TFCP2: variants seen among roughly 807,000 people sequenced by gnomAD.
The protein encoded by TFCP2 is alpha-globin transcription factor CP2.
TFCP2 carries 33 observed loss-of-function variants against 73.4 expected under a neutral mutation model. That is an observed-to-expected ratio of 0.45 (90% CI 0.34 to 0.60). The LOEUF (loss-of-function observed/expected upper bound fraction) is 0.60, where lower values mean the gene tolerates loss of function less well. Among genes scored for constraint, TFCP2 ranks in the 20% least tolerant of loss-of-function variants. The pLI is 0.01. For missense variants in TFCP2, 352 were observed against 604.0 expected (o/e 0.58, Z 4.37); for synonymous variants, 193 against 211.6 (o/e 0.91, Z 0.76).
At chr12:51,104,713 AT>A (rs11308273) in intron 8 of TFCP2, among the ~76,000 whole-genome samples, 59,661 of 140,536 alleles carry the variant, frequency 0.42, 13,113 homozygotes, top group Non-Finnish European at 0.54. Flanking sequence ...ATAAAAAACA[AT>A]TTTTTTTTTT....
chr12:51,137,857 T>A (rs879628891), intron 1 of TFCP2, among the ~76,000 whole-genome samples: 1 of 152,206 alleles, frequency 6.6e-6, no homozygotes, highest in Non-Finnish European at 1.5e-5. Context: ...GAATCCACAC[T>A]TAGCCCTTTA....
chr12:51,124,976 G>T (rs775488358), intron 1 of TFCP2: 8 of 738,420 alleles, frequency 1.1e-5, no homozygotes, highest in Non-Finnish European at 2.0e-5. Context: ...CCTGCCTGGA[G>T]ACCAGCTCTC....
chr12:51,152,971 CCATCATTGGTGGTGATACTTTCG>C (rs1257106176), intron 1 of TFCP2, among the ~76,000 whole-genome samples: 10 of 152,226 alleles, frequency 6.6e-5, no homozygotes, highest in African/African-American at 2.4e-4. Context: ...CCCCTGGCAA[CCATCATTGGTGGTGATACTTTCG>C]CAGCTAGCTG....
At chr12:51,100,354 T>TCAACTAA (rs1309410186) in intron 11 of TFCP2, among the ~76,000 whole-genome samples, 1 of 152,218 alleles carries the variant, frequency 6.6e-6, no homozygotes, top group Admixed American at 6.5e-5. Context: ...AGAAAGGTAT[T>TCAACTAA]CAACTACCTC....
intron 1 of TFCP2, among the ~76,000 whole-genome samples, chr12:51,135,621 G>T (rs1941045844): frequency 6.6e-6 from 1 of 152,106 alleles, no homozygotes. Context: ...AATCACCTGG[G>T]GAGCTTTAGG....
chr12:51,157,994 T>C (rs1941574026), intron 1 of TFCP2, among the ~76,000 whole-genome samples: 1 of 151,942 alleles, frequency 6.6e-6, no homozygotes, highest in African/African-American at 2.4e-5. Context: ...AATTTTTTTT[T>C]CCACTATAAT....
intron 4 of TFCP2, among the ~76,000 whole-genome samples, chr12:51,115,397 G>A (rs1940509945): frequency 6.6e-6 from 1 of 152,122 alleles, no homozygotes; most frequent in African/African-American, 2.4e-5. Flanking sequence ...TGGGATTACA[G>A]GCGTGAGCCA....
intron 12 of TFCP2, 31 bp from the exon 13 acceptor site, chr12:51,098,949 T>A: frequency 3.1e-6 from 5 of 1,610,392 alleles, no homozygotes; most frequent in Non-Finnish European, 3.4e-6. Flanking sequence ...CAGCAGTCAG[T>A]ACAAAGTTTG....
At chr12:51,124,396 T>C (rs963421147) in intron 1 of TFCP2, among the ~76,000 whole-genome samples, 20 of 152,210 alleles carry the variant, frequency 1.3e-4, no homozygotes, top group Admixed American at 8.5e-4. Context: ...CCCAACTAAT[T>C]GGTTATTTTT....
intron 1 of TFCP2, chr12:51,124,597 G>A (rs568067862): frequency 1.4e-5 from 7 of 513,010 alleles, no homozygotes; most frequent in Non-Finnish European, 2.3e-5. Context: ...TGGGGCAGCC[G>A]GAGGAGCGGA....
At position 51,110,958 on chromosome 12, in the gene TFCP2, G is replaced by A. The variant is rs757806683; in HGVS notation, c.483C>T (p.Ile161=). 16 of 1,613,596 alleles carry A rather than the reference G, an allele frequency of 9.9e-6. No individual in the cohort carries two copies. The highest frequency in any genetic ancestry group is 1.7e-5 in the Admixed American group (1 of 60,012). The change falls in exon 5 of 15, where the codon ATC becomes ATT. Residue 161 remains isoleucine (I), a synonymous_variant. Coordinates refer to ENST00000257915, the MANE Select transcript of TFCP2 (RefSeq NM_005653.5). ...GTTGAGTTGGATTAGCCCTAGGATC[G>A]ATTATACCCACAGACATCGGGATAT... is the stretch of plus-strand genomic sequence containing the variant. The part of the protein sequence containing the change: ...DIDIPMSVGI[I]DPRANPTQLN...
rs1419814951 is a variant in TFCP2 at position 51,099,687 on chromosome 12, T to C, written c.1244A>G (p.His415Arg). The part of the protein sequence containing the change: ...QQQQQQQQQK[H>R]EDGDSNGTFF... ...AGTACCATTTGAGTCTCCATCCTCA[T>C]GCTTCTGCTGCTGTTGCTGCTGCTG... Residue 415 changes from histidine to arginine, a missense_variant, in exon 12 of 15, where the codon CAT (histidine) becomes CGT (arginine). Physicochemically the swap from His to Arg is conservative, Grantham distance 29 (BLOSUM62 0). This residue lies in a region of TFCP2 where 194 missense variants were observed against 256.3 expected (regional missense o/e 0.76). Coordinates refer to ENST00000257915, the MANE Select transcript of TFCP2 (RefSeq NM_005653.5). 2 of 1,614,198 alleles carry C rather than the reference T, an allele frequency of 1.2e-6. No individual in the cohort carries two copies.
chr12:51,098,048 C>T (rs1004829156), intron 13 of TFCP2, among the ~76,000 whole-genome samples: 29 of 151,236 alleles, frequency 1.9e-4, no homozygotes, highest in Admixed American at 1.4e-3. Flanking sequence ...TAAAATTCAC[C>T]GGGGGAAGTA....
chr12:51,126,092 G>A (rs1036901115), intron 1 of TFCP2, among the ~76,000 whole-genome samples: 2 of 151,984 alleles, frequency 1.3e-5, no homozygotes, highest in Non-Finnish European at 2.9e-5. Flanking sequence ...AATTAGCCGG[G>A]CGTGGTGTTG....
At chr12:51,120,254 G>A (rs910462162) in intron 1 of TFCP2, among the ~76,000 whole-genome samples, 1 of 150,390 alleles carries the variant, frequency 6.6e-6, no homozygotes, top group Non-Finnish European at 1.5e-5. Context: ...AAATGTTCAT[G>A]AGTAAGAGAA....
intron 1 of TFCP2, among the ~76,000 whole-genome samples, chr12:51,170,201 T>C (rs1354391804): frequency 1.3e-5 from 2 of 152,184 alleles, no homozygotes; most frequent in Middle Eastern, 3.2e-3. Flanking sequence ...TAAACAAGGA[T>C]AGGTAAAACC....
At position 51,142,203 on chromosome 12, in the gene TFCP2, CAAAAAAAAAAA is replaced by C. The variant is rs3053458; in HGVS notation, c.123-23442_123-23432del. Among the ~76,000 whole-genome samples the C allele has an allele frequency of 9.5e-5, 5 of 52,742 alleles. No homozygotes were observed. The Admixed American group carries it at 1.0e-3, about 11-fold the overall frequency. 34.6% of individuals were successfully genotyped at this position (52,742 alleles called of 152,430 possible). A position where few individuals can be genotyped will look rare whatever the true frequency, so the allele number is the denominator to read the frequency against. On this transcript the variant is annotated intron_variant, in intron 1 of 14. Coordinates refer to ENST00000257915, the MANE Select transcript of TFCP2 (RefSeq NM_005653.5). The stretch of plus-strand genomic sequence containing the variant: ...TGGGTGACAGAGCAAGACTCTGTCG[CAAAAAAAAAAA>C]AAAAAAAAAAAAAAGTCTTTATAAT...
intron 11 of TFCP2, among the ~76,000 whole-genome samples, chr12:51,101,299 T>C (rs1940105685): frequency 6.6e-6 from 1 of 152,270 alleles, no homozygotes; most frequent in African/African-American, 2.4e-5. Flanking sequence ...AGTGAGACTC[T>C]GTTTTCAAAA....
At chr12:51,120,177 C>CAAAAAAA (rs33982936) in intron 1 of TFCP2, among the ~76,000 whole-genome samples, 12 of 57,274 alleles carry the variant, frequency 2.1e-4, no homozygotes, top group Admixed American at 2.7e-4. Context: ...GACTCTGTCT[C>CAAAAAAA]AAAAAAAAAA....
Sources: allele counts gnomAD v4.1 joint callset (sites outside exome capture counted in the v4.1 genomes callset), GRCh38; gene constraint gnomAD v4.1.1; regional missense constraint gnomAD v4.1.1; transcripts MANE v1.5; gene names NCBI Gene and HGNC (gene_info 2026-07-23, HGNC 2026-07-21).